Variants in CXCL17 observed in about 807,000 individuals in gnomAD.
The protein encoded by CXCL17 is C-X-C motif chemokine 17.
Under a neutral mutation model 15.5 loss-of-function variants are expected in CXCL17, and 9 were observed. The observed-to-expected ratio is 0.58, with a 90% CI of 0.35 to 1.01. The LOEUF (loss-of-function observed/expected upper bound fraction) is 1.01, where lower values mean the gene tolerates loss of function less well. CXCL17 is among the 50% of genes least tolerant of loss of function. The pLI is 0.02. For missense variants in CXCL17, 133 were observed against 138.2 expected (o/e 0.96, Z 0.19); for synonymous variants, 52 against 52.3 (o/e 0.99, Z 0.02).
intron 1 of CXCL17, among the ~76,000 whole-genome samples, chr19:42,438,183 C>T (rs2040851057): frequency 6.7e-6 from 1 of 150,342 alleles, no homozygotes; most frequent in Non-Finnish European, 1.5e-5. Context: ...ACGGTGAAAC[C>T]CCATCTCTAC....
intron 1 of CXCL17, among the ~76,000 whole-genome samples, chr19:42,437,190 G>A (rs1165626937): frequency 2.0e-5 from 3 of 152,042 alleles, no homozygotes; most frequent in African/African-American, 7.2e-5. Flanking sequence ...GCTCCCCTCG[G>A]CCTCCCAAAG....
intron 1 of CXCL17, among the ~76,000 whole-genome samples, chr19:42,440,003 G>C (rs941282065): frequency 2.6e-5 from 4 of 152,140 alleles, no homozygotes; most frequent in Non-Finnish European, 4.4e-5. Flanking sequence ...GGTTACATAA[G>C]ATATTGTTTG....
chr19:42,439,070 A>G (rs534771943), intron 1 of CXCL17, among the ~76,000 whole-genome samples: 1 of 152,300 alleles, frequency 6.6e-6, no homozygotes, highest in Non-Finnish European at 1.5e-5. Flanking sequence ...CCTGGCTAAC[A>G]TGACAAAACC....
In CXCL17 at chr19:42,428,832, A is replaced by T; in HGVS notation, c.*52T>A. ...AGAAGAGTGTCTGGTAGGTGTGCTC[A>T]CTGTCTTCTTGGCTGAGAATGTTTA... On this transcript the variant is annotated 3_prime_UTR_variant, in exon 4 of 4. Coordinates refer to ENST00000601181, the MANE Select transcript of CXCL17 (RefSeq NM_198477.3). The T allele has an allele frequency of 7.3e-7, 1 of 1,367,592 alleles. No individual in the cohort carries two copies. Among genetic ancestry groups the T allele is most frequent in the Non-Finnish European group, 1.0e-6 (1 of 955,410 alleles). 84.7% of individuals were successfully genotyped at this position (1,367,592 alleles called of 1,614,324 possible).
chr19:42,439,335 G>T (rs2040869711), intron 1 of CXCL17, among the ~76,000 whole-genome samples: 1 of 150,878 alleles, frequency 6.6e-6, no homozygotes, highest in Admixed American at 6.6e-5. Flanking sequence ...AATGTAGAAG[G>T]AACAATGGAA....
chr19:42,436,094 G>C (rs2040831647), intron 1 of CXCL17, among the ~76,000 whole-genome samples: 1 of 149,104 alleles, frequency 6.7e-6, no homozygotes, highest in African/African-American at 2.6e-5. Flanking sequence ...ACTAGACTCT[G>C]AACCATTGGT....
At chr19:42,436,631 G>T (rs529883554) in intron 1 of CXCL17, among the ~76,000 whole-genome samples, 2 of 152,068 alleles carry the variant, frequency 1.3e-5, no homozygotes, top group South Asian at 4.1e-4. Flanking sequence ...GATAACCATA[G>T]CATGTAAACA....
At position 42,429,128 on chromosome 19, in the gene CXCL17, A is replaced by G. The variant is rs989829244; in HGVS notation, c.263-147T>C. Reference sequence around the variant, plus strand: ...CTGCAACCTCTGCCTCCCGGGTTCAAGTGATTCTCCTGCCTCAGCCTCCCA... The same window carrying G: ...CTGCAACCTCTGCCTCCCGGGTTCAGGTGATTCTCCTGCCTCAGCCTCCCA... On this transcript the variant is annotated intron_variant, in intron 3 of 3. Transcript: ENST00000601181. 4 of 594,692 alleles carry G rather than the reference A, an allele frequency of 6.7e-6. No individual in the cohort carries two copies. In the African/African-American group the frequency reaches 7.5e-5, roughly 11 times the overall value. 36.8% of individuals were successfully genotyped at this position (594,692 alleles called of 1,614,324 possible).
intron 1 of CXCL17, among the ~76,000 whole-genome samples, chr19:42,440,872 C>T (rs1216913701): frequency 6.6e-6 from 1 of 151,562 alleles, no homozygotes; most frequent in Admixed American, 6.6e-5. Flanking sequence ...GGTCATTTGG[C>T]GATGTCTAGA....
At chr19:42,434,721 C>T (rs1156779622) in intron 1 of CXCL17, among the ~76,000 whole-genome samples, 1 of 152,126 alleles carries the variant, frequency 6.6e-6, no homozygotes, top group Non-Finnish European at 1.5e-5. Context: ...TGAGCCACCA[C>T]ACCCACCCCA....
intron 1 of CXCL17, 30 bp downstream of exon 1, chr19:42,442,724 G>A (rs367808651): frequency 2.3e-5 from 35 of 1,548,000 alleles, no homozygotes; most frequent in Middle Eastern, 2.2e-4. Flanking sequence ...TTCTCCCCCC[G>A]TTTTCCCCTT....
chr19:42,430,607 A>G (rs542072580), intron 3 of CXCL17, among the ~76,000 whole-genome samples: 44 of 151,672 alleles, frequency 2.9e-4, no homozygotes, highest in South Asian at 1.5e-3. Flanking sequence ...AAAAAAAAAA[A>G]AAAGAAAGAA....
intron 1 of CXCL17, among the ~76,000 whole-genome samples, chr19:42,435,615 A>T (rs1186907981): frequency 6.6e-6 from 1 of 152,072 alleles, no homozygotes; most frequent in Non-Finnish European, 1.5e-5. Flanking sequence ...GGTGAATCAC[A>T]GGTCAGGAGT....
intron 1 of CXCL17, among the ~76,000 whole-genome samples, chr19:42,438,381 A>AAAATATATATATAT (rs1555793041): frequency 1.6e-5 from 1 of 63,852 alleles, no homozygotes; most frequent in African/African-American, 7.6e-5. Flanking sequence ...AAAAAAAAAA[A>AAAATATATATATAT]ATATATATAT....
intron 1 of CXCL17, among the ~76,000 whole-genome samples, chr19:42,439,039 A>G (rs2040864975): frequency 6.6e-6 from 1 of 152,194 alleles, no homozygotes; most frequent in Non-Finnish European, 1.5e-5. Flanking sequence ...GGATCACTTG[A>G]GGCCAGGAAT....
intron 2 of CXCL17, among the ~76,000 whole-genome samples, 197 bp downstream of exon 2, chr19:42,433,579 C>A (rs2040804571): frequency 6.6e-6 from 1 of 152,176 alleles, no homozygotes; most frequent in South Asian, 2.1e-4. Flanking sequence ...GCTGGCTTTC[C>A]CCTAGACCTT....
rs1318453976 is a variant in CXCL17, at chr19:42,442,793, G to A, written c.40C>T (p.Leu14=). Residue 14 remains leucine (L), a synonymous_variant, in exon 1 of 4, where the codon CTA becomes TTA. Coordinates refer to ENST00000601181, the MANE Select transcript of CXCL17 (RefSeq NM_198477.3). The stretch of plus-strand genomic sequence containing the variant: ...CTAGAGACCATGGACATCAGCATTA[G>A]TGGCAGCAACAGGAGGAGGGAAGAG... ...LISSLLLLLP[L]MLMSMVSSSL... 1.2e-6 allele frequency: 2 copies of A among 1,613,494 alleles called. No individual in the cohort carries two copies. The highest frequency in any genetic ancestry group is 2.7e-5 in the African/African-American group (2 of 74,870).
chr19:42,433,108 AG>A (rs762382702), intron 2 of CXCL17, 31 bp from the exon 3 acceptor site: 103 of 1,490,092 alleles, frequency 6.9e-5, no homozygotes, highest in Admixed American at 1.7e-5. Flanking sequence ...CTTAGATGGG[AG>A]AGTTAATACA....
Position 42,433,727 on chromosome 19 carries a change from G to C in CXCL17, c.160+49C>G, listed in dbSNP as rs778309693. The C allele has an allele frequency of 2.0e-6, 3 of 1,492,958 alleles. No homozygotes were observed. In the Admixed American group the frequency reaches 5.0e-5, roughly 25 times the overall value. 92.5% of individuals were successfully genotyped at this position (1,492,958 alleles called of 1,614,324 possible). On this transcript the variant is annotated intron_variant, in intron 2 of 3. Transcript: ENST00000601181. ...GTCTCAGAGGGGCCCAAGGGAGAGAGCTGGGGTCATGGTGATGCCATCGCT... is the reference window on the plus strand; with the variant it reads ...GTCTCAGAGGGGCCCAAGGGAGAGACCTGGGGTCATGGTGATGCCATCGCT...
Sources: gnomAD v4.1 joint callset for allele counts (sites outside exome capture counted in the v4.1 genomes callset) on GRCh38, gnomAD v4.1.1 for gene constraint, MANE v1.5 for transcripts, NCBI Gene and HGNC (gene_info 2026-07-23, HGNC 2026-07-21) for gene names.